Variants in RALGAPA2 observed in about 807,000 individuals in gnomAD.
RALGAPA2 encodes the protein Ral GTPase activating protein catalytic subunit alpha 2, also known as ral GTPase-activating protein subunit alpha-2.
RALGAPA2 carries 139 observed loss-of-function variants against 230.4 expected under a neutral mutation model. The ratio of observed to expected loss-of-function variants is 0.60; its 90% CI spans 0.53 to 0.69. RALGAPA2 has a LOEUF of 0.69. RALGAPA2 is among the 30% of genes least tolerant of loss of function. The pLI, the probability that RALGAPA2 is intolerant of heterozygous loss-of-function variation, is 0.00. For missense variants in RALGAPA2, 2,163 were observed against 2,276.0 expected (o/e 0.95, Z 1.01); for synonymous variants, 847 against 837.8 (o/e 1.01, Z -0.19).
At chr20:20,504,945 A>G in intron 34 of RALGAPA2, 2 of 962,776 alleles carry the variant, frequency 2.1e-6, no homozygotes, top group Non-Finnish European at 2.5e-6. Flanking sequence ...TCATCCTGAA[A>G]TCTACCTTAG....
chr20:20,473,203 G>GT (rs1030909792), intron 36 of RALGAPA2, among the ~76,000 whole-genome samples: 1 of 152,104 alleles, frequency 6.6e-6, no homozygotes, highest in African/African-American at 2.4e-5. Context: ...CAGGTTCTTC[G>GT]TTTTTTCTCT....
At chr20:20,545,076 T>C (rs2063745509) in intron 24 of RALGAPA2, among the ~76,000 whole-genome samples, 4 of 152,206 alleles carry the variant, frequency 2.6e-5, no homozygotes, top group Admixed American at 2.6e-4. Flanking sequence ...ATCTTGTAAT[T>C]TTTTTGAAAG....
chr20:20,575,312 G>A (rs6137066), intron 20 of RALGAPA2, among the ~76,000 whole-genome samples: 1 of 152,048 alleles, frequency 6.6e-6, no homozygotes, highest in Admixed American at 6.6e-5. Context: ...TACATGCTCA[G>A]GACTGAACTG....
chr20:20,599,829 T>G (rs1241088012), intron 16 of RALGAPA2, among the ~76,000 whole-genome samples: 2 of 151,868 alleles, frequency 1.3e-5, no homozygotes, highest in Non-Finnish European at 2.9e-5. Context: ...AAAAATTAGC[T>G]GGGCATGGTG....
At chr20:20,629,320 A>AC (rs2066592270) in intron 10 of RALGAPA2, 43 bp downstream of exon 10, 29 of 1,108,494 alleles carry the variant, frequency 2.6e-5, no homozygotes, top group Non-Finnish European at 3.6e-5. Context: ...AAGAACTTGT[A>AC]ACACACACAC....
chr20:20,606,437 G>C (rs1237660121), intron 14 of RALGAPA2, among the ~76,000 whole-genome samples: 1 of 152,158 alleles, frequency 6.6e-6, no homozygotes, highest in Non-Finnish European at 1.5e-5. Flanking sequence ...ACCTATCAAA[G>C]AGCATAATAG....
intron 26 of RALGAPA2, among the ~76,000 whole-genome samples, chr20:20,532,314 A>G (rs1015321304): frequency 1.3e-5 from 2 of 152,248 alleles, no homozygotes; most frequent in African/African-American, 4.8e-5. Flanking sequence ...TGCTAGGACC[A>G]GATATTCTTC....
chr20:20,481,003 G>A (rs2123466722), intron 36 of RALGAPA2, among the ~76,000 whole-genome samples: 2 of 152,302 alleles, frequency 1.3e-5, no homozygotes, highest in Middle Eastern at 3.4e-3. Context: ...GACTAAAGAA[G>A]TACAGTGCTC....
intron 1 of RALGAPA2, among the ~76,000 whole-genome samples, chr20:20,683,371 C>T (rs913793102): frequency 6.6e-6 from 1 of 152,186 alleles, no homozygotes; most frequent in Admixed American, 6.5e-5. Context: ...AACCTTCCAT[C>T]TGCCTCCAGT....
chr20:20,573,707 A>G (rs1187558284), intron 20 of RALGAPA2, among the ~76,000 whole-genome samples: 1 of 152,154 alleles, frequency 6.6e-6, no homozygotes, highest in Non-Finnish European at 1.5e-5. Context: ...TACAGTTTGT[A>G]GCCTGTCTGG....
At chr20:20,460,953 C>T (rs148659214) in intron 37 of RALGAPA2, among the ~76,000 whole-genome samples, 233 of 152,274 alleles carry the variant, frequency 1.5e-3, no homozygotes, top group African/African-American at 5.3e-3. Flanking sequence ...AAAAGGAAAG[C>T]GCATCTCATC....
At chr20:20,593,998 C>T (rs1436864510) in intron 16 of RALGAPA2, among the ~76,000 whole-genome samples, 1 of 152,160 alleles carries the variant, frequency 6.6e-6, no homozygotes, top group East Asian at 1.9e-4. Flanking sequence ...AAGTCCAAGC[C>T]TTCAGGAATA....
chr20:20,656,336 A>G (rs1379111687), intron 3 of RALGAPA2, among the ~76,000 whole-genome samples: 1 of 152,244 alleles, frequency 6.6e-6, no homozygotes, highest in Non-Finnish European at 1.5e-5. Flanking sequence ...AACTAGTTCT[A>G]AAAAGTTAAA....
intron 1 of RALGAPA2, among the ~76,000 whole-genome samples, chr20:20,690,740 G>A (rs992272693): frequency 1.3e-5 from 2 of 151,890 alleles, no homozygotes; most frequent in African/African-American, 4.8e-5. Context: ...ATACCACCAG[G>A]CCTAAGATGA....
intron 3 of RALGAPA2, among the ~76,000 whole-genome samples, chr20:20,662,836 A>T (rs1468691332): frequency 6.6e-6 from 1 of 152,198 alleles, no homozygotes; most frequent in Non-Finnish European, 1.5e-5. Context: ...GCACTTCCAA[A>T]GGGAGAACAC....
At position 20,684,008 on chromosome 20, in the gene RALGAPA2, T is replaced by C. The variant is rs532168722; in HGVS notation, c.107-3207A>G. 2.0e-5 allele frequency among the ~76,000 whole-genome samples: 3 copies of C among 152,316 alleles called. No individual in the cohort carries two copies. In the South Asian group the frequency reaches 6.2e-4, roughly 32 times the overall value. ...GAGTGCGCCACCTGTATATAAACTG[T>C]GGGCTAAAGCACTACTTTGGAACAG... On this transcript the variant is annotated intron_variant, in intron 1 of 39. Coordinates refer to ENST00000202677, the MANE Select transcript of RALGAPA2 (RefSeq NM_020343.4).
chr20:20,480,250 A>G (rs1268687137), intron 36 of RALGAPA2, among the ~76,000 whole-genome samples: 1 of 152,220 alleles, frequency 6.6e-6, no homozygotes, highest in African/African-American at 2.4e-5. Context: ...GCCAAAGAAG[A>G]ACTGGGTAGG....
At chr20:20,420,005 T>G (rs912379575) in intron 37 of RALGAPA2, among the ~76,000 whole-genome samples, 5 of 152,086 alleles carry the variant, frequency 3.3e-5, no homozygotes, top group Non-Finnish European at 5.9e-5. Context: ...AAACTGTCAT[T>G]ATGTCAGTAC....
At chr20:20,673,252 A>G (rs1008610861) in intron 3 of RALGAPA2, among the ~76,000 whole-genome samples, 2 of 151,494 alleles carry the variant, frequency 1.3e-5, no homozygotes, top group African/African-American at 4.8e-5. Flanking sequence ...AGAAGCCAGA[A>G]AGAAAAGACA....
Sources: gnomAD v4.1 joint callset for allele counts (sites outside exome capture counted in the v4.1 genomes callset) on GRCh38, gnomAD v4.1.1 for gene constraint, MANE v1.5 for transcripts, NCBI Gene and HGNC (gene_info 2026-07-23, HGNC 2026-07-21) for gene names.